GGT5: variants seen among roughly 807,000 people sequenced by gnomAD.
GGT5 encodes the protein gamma-glutamyltransferase 5.
In GGT5, 50 loss-of-function variants were observed where a neutral mutation model predicts 58.1. The ratio of observed to expected loss-of-function variants is 0.86; its 90% CI spans 0.69 to 1.09. The LOEUF is 1.09. GGT5 is among the 50% of genes least tolerant of loss of function. The pLI is 0.00. For synonymous variants in GGT5, 370 were observed against 346.1 expected (o/e 1.07, Z -0.77); for missense variants, 800 against 789.4 (o/e 1.01, Z -0.16).
Position 24,226,206 on chromosome 22 carries a change from C to T in GGT5, c.1099G>A (p.Gly367Ser), listed in dbSNP as rs1312087225. 4 of 1,609,788 alleles carry T rather than the reference C, an allele frequency of 2.5e-6. No homozygotes were observed. In the Admixed American group the frequency reaches 5.0e-5, roughly 20 times the overall value. The change falls in exon 8 of 12, where the codon GGC becomes AGC. Residue 367 changes from glycine (G) to serine (S), a missense_variant. Physicochemically the swap from Gly to Ser is moderately conservative, Grantham distance 56. Transcript: ENST00000327365. ...TGGCTGAGCTGGTGGTCCCCCCGGC[C>T]ATCGATCTGTTGGCGGATGAGCTGG... ...LAQLIRQQID[G>S]RGDHQLSHYS... is the part of the protein sequence containing the mutation.
At chr22:24,234,118 A>T (rs2048031775) in intron 1 of GGT5, 114 bp from the exon 2 acceptor site, 4 of 991,732 alleles carry the variant, frequency 4.0e-6, no homozygotes. Flanking sequence ...GTCGGCTGCC[A>T]CCAAACCGCA....
rs777658534 is a variant in GGT5, at chr22:24,233,869, C to T, written c.304+5G>A. On this transcript the variant is annotated splice_donor_5th_base_variant and intron_variant, in intron 2 of 11. Transcript: ENST00000327365. ...TTCCCCATGGCAGTTCACATGTGGG[C>T]CCACCTGTTGTCACATTGTAGATGG... is the stretch of plus-strand genomic sequence containing the variant. The T allele has an allele frequency of 1.2e-6, 2 of 1,612,706 alleles. No individual in the cohort carries two copies. Among genetic ancestry groups the T allele is most frequent in the African/African-American group, 1.3e-5 (1 of 74,998 alleles).
rs1334306249 is a variant in GGT5 at position 24,231,375 on chromosome 22, G to C, written c.901+9C>G. The C allele has an allele frequency of 6.5e-7, 1 of 1,541,568 alleles. No individual in the cohort carries two copies. The highest frequency in any genetic ancestry group is 8.8e-7 in the Non-Finnish European group (1 of 1,141,772). ...GGGTGGGCGCCAGGGCTCTGGGCAG[G>C]GGCTTTACCTCTTAGCACGTTGAGG... is the stretch of plus-strand genomic sequence containing the variant. On this transcript the variant is annotated intron_variant, in intron 6 of 11. Coordinates refer to ENST00000327365, the MANE Select transcript of GGT5 (RefSeq NM_004121.5).
At position 24,225,137 on chromosome 22, in the gene GGT5, AG is replaced by A. The variant is rs755159959; in HGVS notation, c.1504-32del. 21 of 1,576,318 alleles carry A rather than the reference AG, an allele frequency of 1.3e-5. No individual in the cohort carries two copies. The African/African-American group carries it at 2.2e-4, about 16-fold the overall frequency. ...GGAGAGATGAGGGTTTCAGGGAGAAAGGGGGCACCCTGCTACCCTACATCAG... is the reference window on the plus strand; with the variant it reads ...GGAGAGATGAGGGTTTCAGGGAGAAAGGGGCACCCTGCTACCCTACATCAG... On this transcript the variant is annotated intron_variant, in intron 10 of 11. Transcript: ENST00000327365.
At position 24,219,973 on chromosome 22, in the gene GGT5, G is replaced by A; in HGVS notation, c.1758C>T (p.Tyr586=). 6.2e-7 allele frequency: 1 copy of A among 1,614,028 alleles called. No individual in the cohort carries two copies. The highest frequency in any genetic ancestry group is 8.5e-7 in the Non-Finnish European group (1 of 1,179,940). Residue 586 remains tyrosine (Y), a synonymous_variant, in exon 12 of 12, where the codon TAC becomes TAT. Coordinates refer to ENST00000327365, the MANE Select transcript of GGT5 (RefSeq NM_004121.5). ...DLRKSGEAAG[Y] is the part of the protein sequence containing the mutation. ...CAGCTCTGGGCAGAGCAGTGTCTTAGTAGCCTGCGGCCTCCCCACTCTTCC... is the reference window on the plus strand; with the variant it reads ...CAGCTCTGGGCAGAGCAGTGTCTTAATAGCCTGCGGCCTCCCCACTCTTCC...
Position 24,225,101 on chromosome 22 carries a change from G to A in GGT5, c.1509C>T (p.Ile503=), listed in dbSNP as rs574777300. ...CAAAGCCAAGCCACAGCTTGCTCATGATGGCCTGGGGGAGAGATGAGGGTT... is the reference window on the plus strand; with the variant it reads ...CAAAGCCAAGCCACAGCTTGCTCATAATGGCCTGGGGGAGAGATGAGGGTT... ...ELIISAVAQA[I]MSKLWLGFDL... The change falls in exon 11 of 12, where the codon ATC becomes ATT. Residue 503 remains isoleucine (I), a synonymous_variant. Coordinates refer to ENST00000327365, the MANE Select transcript of GGT5 (RefSeq NM_004121.5). The A allele has an allele frequency of 2.2e-5, 35 of 1,601,136 alleles. No individual in the cohort carries two copies. In the African/African-American group the frequency reaches 3.3e-4, roughly 15 times the overall value.
intron 1 of GGT5, chr22:24,244,182 A>G (rs1232033942): frequency 4.8e-6 from 1 of 210,518 alleles, no homozygotes; most frequent in Non-Finnish European, 9.6e-6. Flanking sequence ...CCCCACGAGC[A>G]CACCCTGCCA....
intron 1 of GGT5, 147 bp downstream of exon 1, chr22:24,244,406 A>G: frequency 1.4e-6 from 1 of 708,758 alleles, no homozygotes; most frequent in Non-Finnish European, 2.5e-6. Context: ...ACTCACACAC[A>G]CCCACACATG....
intron 1 of GGT5, among the ~76,000 whole-genome samples, chr22:24,237,285 G>A (rs1042741153): frequency 2.6e-5 from 4 of 151,974 alleles, no homozygotes; most frequent in Non-Finnish European, 5.9e-5. Flanking sequence ...TCTTACTCTA[G>A]GAGTCAACTA....
intron 11 of GGT5, chr22:24,220,519 A>T (rs1055923958): frequency 6.5e-6 from 3 of 459,352 alleles, no homozygotes; most frequent in African/African-American, 4.0e-5. Flanking sequence ...TGGGAGGCTG[A>T]GGAAGGAGGA....
At chr22:24,224,112 A>T (rs2047678814) in intron 11 of GGT5, among the ~76,000 whole-genome samples, 2 of 152,034 alleles carry the variant, frequency 1.3e-5, no homozygotes, top group African/African-American at 4.8e-5. Context: ...ATCAACCCAA[A>T]GATGCTCCAA....
rs774921301 is a variant in GGT5, at chr22:24,219,965, G to A, written c.*5C>T. On this transcript the variant is annotated 3_prime_UTR_variant, in exon 12 of 12. Transcript: ENST00000327365. ...CCAGACTTCAGCTCTGGGCAGAGCA[G>A]TGTCTTAGTAGCCTGCGGCCTCCCC... The A allele has an allele frequency of 6.2e-7, 1 of 1,613,946 alleles. No homozygotes were observed.
intron 1 of GGT5, among the ~76,000 whole-genome samples, chr22:24,238,905 ATTATATATAT>A (rs2048235220): frequency 7.5e-4 from 11 of 14,754 alleles, no homozygotes; most frequent in East Asian, 2.4e-3. Flanking sequence ...ATATATATAT[ATTATATATAT>A]TATATATATA....
At chr22:24,241,685 G>A (rs1309546153) in intron 1 of GGT5, 1 of 151,916 alleles carries the variant, frequency 6.6e-6, no homozygotes, top group Non-Finnish European at 1.5e-5. Context: ...TCAGGAACGA[G>A]TAGAATATCC....
intron 5 of GGT5, 42 bp downstream of exon 5, chr22:24,232,009 T>TC (rs771430712): frequency 6.4e-7 from 1 of 1,571,680 alleles, no homozygotes; most frequent in Non-Finnish European, 8.7e-7. Context: ...ACTTGGCTCT[T>TC]CCTCCAGCAG....
Position 24,226,108 on chromosome 22 carries a change from G to T in GGT5, c.1197C>A (p.Ser399Arg), listed in dbSNP as rs373414908. The T allele has an allele frequency of 6.2e-7, 1 of 1,604,744 alleles. No homozygotes were observed. Among genetic ancestry groups the T allele is most frequent in the Non-Finnish European group, 8.5e-7 (1 of 1,175,474 alleles). Residue 399 changes from serine to arginine, a missense_variant, in exon 8 of 12, where the codon AGC becomes AGA. By Grantham distance (110) the Ser-to-Arg change is moderately radical. Coordinates refer to ENST00000327365, the MANE Select transcript of GGT5 (RefSeq NM_004121.5). ...SHVSVLGEDG[S>R]AVAATSTINT... Reference sequence around the variant, plus strand: ...TGATGGTGCTGGTGGCAGCCACGGCGCTGCCATCCTCCCCCAGCACAGACA... The same window carrying T: ...TGATGGTGCTGGTGGCAGCCACGGCTCTGCCATCCTCCCCCAGCACAGACA...
chr22:24,221,786 G>A (rs1239911375), intron 11 of GGT5, among the ~76,000 whole-genome samples: 1 of 151,898 alleles, frequency 6.6e-6, no homozygotes, highest in African/African-American at 2.4e-5. Flanking sequence ...GATTGTAGGC[G>A]GGAGCCACCG....
intron 1 of GGT5, among the ~76,000 whole-genome samples, chr22:24,238,709 A>G (rs1317451289): frequency 9.0e-6 from 1 of 111,616 alleles, no homozygotes; most frequent in African/African-American, 3.4e-5. Flanking sequence ...GTCTCAAAAA[A>G]AAAAAAAAAG....
In GGT5 at chr22:24,244,368, C is replaced by T. The variant is rs565583050; in HGVS notation, c.173+185G>A. The stretch of plus-strand genomic sequence containing the variant: ...ACAATCACACACATTCACACACACC[C>T]ACACTCCCCACACTCACACTCACAT... On this transcript the variant is annotated intron_variant, in intron 1 of 11. Coordinates refer to ENST00000327365, the MANE Select transcript of GGT5 (RefSeq NM_004121.5). 102 of 615,000 alleles carry T rather than the reference C, an allele frequency of 1.7e-4. No homozygotes were observed. Among genetic ancestry groups the T allele is most frequent in the African/African-American group, 1.4e-3 (76 of 54,082 alleles). The allele number at this position is 615,000 out of a possible 1,614,324, so 38.1% of individuals were successfully genotyped here.
Sources: gnomAD v4.1 joint callset for allele counts (sites outside exome capture counted in the v4.1 genomes callset) on GRCh38, gnomAD v4.1.1 for gene constraint, MANE v1.5 for transcripts, NCBI Gene and HGNC (gene_info 2026-07-23, HGNC 2026-07-21) for gene names.